The following HPSE2 variants were observed in gnomAD, a reference collection of about 807,000 sequenced individuals.
HPSE2 encodes the protein heparanase 2 (inactive).
In HPSE2, 38 loss-of-function variants were observed where a neutral mutation model predicts 60.5. That is an observed-to-expected ratio of 0.63 (90% confidence interval 0.48 to 0.82). The LOEUF (loss-of-function observed/expected upper bound fraction) is 0.82, where lower values mean the gene tolerates loss of function less well. Among genes scored for constraint, HPSE2 ranks in the 40% least tolerant of loss-of-function variants. The pLI, the probability that HPSE2 is intolerant of heterozygous loss-of-function variation, is 0.00. For missense variants in HPSE2, 713 were observed against 740.4 expected (o/e 0.96, Z 0.43); for synonymous variants, 295 against 293.2 (o/e 1.01, Z -0.06).
intron 3 of HPSE2, among the ~76,000 whole-genome samples, chr10:98,849,499 G>C (rs114498955): frequency 0.011 from 1,749 of 152,132 alleles, 30 homozygotes; most frequent in African/African-American, 0.04. Context: ...TACATTTCAG[G>C]GTTCAGGATA....
intron 9 of HPSE2, among the ~76,000 whole-genome samples, chr10:98,515,504 C>T (rs1204263242): frequency 6.6e-6 from 1 of 151,942 alleles, no homozygotes; most frequent in Non-Finnish European, 1.5e-5. Flanking sequence ...ATAATGATGT[C>T]AAAAATGGTC....
intron 2 of HPSE2, among the ~76,000 whole-genome samples, chr10:99,164,188 G>A (rs1444202178): frequency 7.5e-6 from 1 of 134,058 alleles, no homozygotes; most frequent in Non-Finnish European, 1.6e-5. Flanking sequence ...CTATAAGGAA[G>A]AGAGTTGTCT....
intron 3 of HPSE2, among the ~76,000 whole-genome samples, chr10:98,749,001 T>C (rs537447867): frequency 7.2e-5 from 11 of 152,292 alleles, no homozygotes; most frequent in African/African-American, 2.4e-4. Flanking sequence ...AGCTTACTTA[T>C]TGAAGTTCTG....
chr10:99,055,563 C>G (rs1249316758), intron 3 of HPSE2, among the ~76,000 whole-genome samples: 1 of 152,026 alleles, frequency 6.6e-6, no homozygotes, highest in Non-Finnish European at 1.5e-5. Flanking sequence ...CCAAAAATTT[C>G]CCAATTTTGG....
At chr10:98,642,424 G>A (rs570568396) in intron 6 of HPSE2, among the ~76,000 whole-genome samples, 20 of 152,262 alleles carry the variant, frequency 1.3e-4, no homozygotes, top group African/African-American at 4.3e-4. Context: ...AGTGTAGTGA[G>A]TGAGTCTCCA....
At position 98,749,093 on chromosome 10, in the gene HPSE2, A is replaced by G. The variant is rs567802783; in HGVS notation, c.611-5037T>C. Among the ~76,000 whole-genome samples, 7 of 152,276 alleles carry G rather than the reference A, an allele frequency of 4.6e-5. No individual in the cohort carries two copies. The East Asian group carries it at 1.4e-3, about 29-fold the overall frequency. On this transcript the variant is annotated intron_variant, in intron 3 of 11. Coordinates refer to ENST00000370552, the MANE Select transcript of HPSE2 (RefSeq NM_021828.5). ...TTTTTTAAATGCAAGATCCAAGGTA[A>G]GCTACTTCTTTAATAAAGTTAATCT...
intron 9 of HPSE2, among the ~76,000 whole-genome samples, chr10:98,539,998 G>T (rs1943409760): frequency 6.6e-6 from 1 of 152,234 alleles, no homozygotes; most frequent in Non-Finnish European, 1.5e-5. Flanking sequence ...GCCCTGCCTG[G>T]TCAGTGACAG....
At chr10:99,145,023 G>C (rs950233998) in intron 2 of HPSE2, among the ~76,000 whole-genome samples, 1 of 152,178 alleles carries the variant, frequency 6.6e-6, no homozygotes, top group Non-Finnish European at 1.5e-5. Context: ...TCACTGAAGA[G>C]AGCACAGGAG....
chr10:98,622,063 C>A (rs1441111489), intron 7 of HPSE2, among the ~76,000 whole-genome samples: 1 of 152,186 alleles, frequency 6.6e-6, no homozygotes, highest in Non-Finnish European at 1.5e-5. Flanking sequence ...AATGAGAATT[C>A]TTTCTATGTC....
At chr10:99,096,114 C>G (rs190144699) in intron 3 of HPSE2, among the ~76,000 whole-genome samples, 108 of 152,210 alleles carry the variant, frequency 7.1e-4, no homozygotes, top group African/African-American at 2.4e-3. Flanking sequence ...TATTCCTTTT[C>G]AAAACGAAAT....
intron 9 of HPSE2, among the ~76,000 whole-genome samples, chr10:98,529,681 T>C (rs950908374): frequency 6.6e-6 from 1 of 152,192 alleles, no homozygotes; most frequent in African/African-American, 2.4e-5. Context: ...CTCTTAGCCT[T>C]GTCTCGCACT....
intron 3 of HPSE2, among the ~76,000 whole-genome samples, chr10:99,038,014 T>C (rs1461469275): frequency 6.6e-6 from 1 of 152,032 alleles, no homozygotes; most frequent in South Asian, 2.1e-4. Flanking sequence ...ATTCCAACAG[T>C]TGAAATAAAA....
chr10:98,915,249 G>A (rs1210164032), intron 3 of HPSE2, among the ~76,000 whole-genome samples: 1 of 150,736 alleles, frequency 6.6e-6, no homozygotes, highest in Non-Finnish European at 1.5e-5. Flanking sequence ...CCAGGTTCAT[G>A]CCATTCTCCT....
chr10:98,991,752 G>A (rs970711862), intron 3 of HPSE2, among the ~76,000 whole-genome samples: 4 of 151,990 alleles, frequency 2.6e-5, no homozygotes, highest in East Asian at 1.9e-4. Flanking sequence ...AGGAGAATGC[G>A]TGGTGGACAA....
At chr10:98,595,605 G>T (rs1468552569) in intron 9 of HPSE2, among the ~76,000 whole-genome samples, 1 of 151,950 alleles carries the variant, frequency 6.6e-6, no homozygotes, top group Non-Finnish European at 1.5e-5. Flanking sequence ...TTTTTTAGTG[G>T]AGTCTTTAGG....
chr10:98,639,045 C>T (rs1946571787), intron 7 of HPSE2, among the ~76,000 whole-genome samples: 1 of 152,170 alleles, frequency 6.6e-6, no homozygotes, highest in Non-Finnish European at 1.5e-5. Context: ...TCTTTTCGCC[C>T]TGAAGCTTGG....
At chr10:99,128,928 T>A (rs915994837) in intron 3 of HPSE2, among the ~76,000 whole-genome samples, 1 of 151,894 alleles carries the variant, frequency 6.6e-6, no homozygotes, top group Non-Finnish European at 1.5e-5. Context: ...ACAACTCACA[T>A]CAACTTAAGG....
chr10:99,245,400 A>G, the HPSE2 span, among the ~76,000 whole-genome samples: 1 of 152,216 alleles, frequency 6.6e-6, no homozygotes, highest in African/African-American at 2.4e-5. Flanking sequence ...TAATGAGGAG[A>G]AATAGGTCAG....
intron 3 of HPSE2, among the ~76,000 whole-genome samples, chr10:98,815,883 C>T (rs375213218): frequency 8.6e-5 from 13 of 151,792 alleles, no homozygotes; most frequent in East Asian, 5.8e-4. Flanking sequence ...TGTAGGGACA[C>T]GGATGAAGCT....
Sources: gnomAD v4.1 joint callset for allele counts (sites outside exome capture counted in the v4.1 genomes callset) on GRCh38, gnomAD v4.1.1 for gene constraint, MANE v1.5 for transcripts, NCBI Gene and HGNC (gene_info 2026-07-23, HGNC 2026-07-21) for gene names.